DPP6: variants seen among roughly 807,000 people sequenced by gnomAD.
The protein encoded by DPP6 is A-type potassium channel modulatory protein DPP6.
DPP6 carries 69 observed loss-of-function variants against 122.6 expected under a neutral mutation model. The observed-to-expected ratio is 0.56, with a 90% CI of 0.46 to 0.69. The LOEUF is 0.69. Ranked by LOEUF, DPP6 falls within the 30% of genes least tolerant of loss-of-function variation. The pLI is 0.00. For missense variants in DPP6, 928 were observed against 1,116.9 expected, an observed-to-expected ratio of 0.83 and a Z score of 2.41; for synonymous variants, 418 against 433.1, an observed-to-expected ratio of 0.97 and a Z score of 0.43.
chr7:154,348,093 C>T (rs2151074025), intron 1 of DPP6, among the ~76,000 whole-genome samples: 1 of 152,256 alleles, frequency 6.6e-6, no homozygotes, highest in African/African-American at 2.4e-5. Flanking sequence ...CTCCCACCCC[C>T]ACCTCCTGAT....
chr7:154,496,984 T>TGTGTTGA (rs1044589194), intron 3 of DPP6, among the ~76,000 whole-genome samples: 2 of 152,178 alleles, frequency 1.3e-5, no homozygotes, highest in Non-Finnish European at 2.9e-5. Flanking sequence ...CATGCAGCAT[T>TGTGTTGA]GTGTTGAGGA....
At chr7:153,989,289 C>G (rs1176565243) in intron 1 of DPP6, among the ~76,000 whole-genome samples, 1 of 142,004 alleles carries the variant, frequency 7.0e-6, no homozygotes, top group African/African-American at 2.6e-5. Flanking sequence ...GTGTGCGTGA[C>G]TGTGCAAGTG....
chr7:154,748,522 GA>G (rs1843145324), intron 8 of DPP6, among the ~76,000 whole-genome samples: 1 of 152,214 alleles, frequency 6.6e-6, no homozygotes, highest in Non-Finnish European at 1.5e-5. Flanking sequence ...ACAACGCCAA[GA>G]GAATGGCTTA....
At chr7:153,769,125 A>G in the DPP6 span, among the ~76,000 whole-genome samples, 2,293 of 152,288 alleles carry the variant, frequency 0.015, 30 homozygotes, top group Non-Finnish European at 0.023. Flanking sequence ...TCTTGTACCC[A>G]TTGATCTCAA....
At chr7:154,410,944 C>G in intron 1 of DPP6, among the ~76,000 whole-genome samples, 1 of 152,170 alleles carries the variant, frequency 6.6e-6, no homozygotes, top group South Asian at 2.1e-4. Flanking sequence ...TTTTAGCTGA[C>G]TCTTAGAAAT....
intron 7 of DPP6, among the ~76,000 whole-genome samples, chr7:154,697,295 G>T (rs1312347926): frequency 6.6e-6 from 1 of 152,204 alleles, no homozygotes; most frequent in African/African-American, 2.4e-5. Context: ...AGGCCGCCAT[G>T]ACCGGAACCC....
chr7:153,916,134 TG>T (rs1342410340), intron 1 of DPP6, among the ~76,000 whole-genome samples: 3 of 150,854 alleles, frequency 2.0e-5, no homozygotes, highest in Non-Finnish European at 4.4e-5. Flanking sequence ...GCCTGGCTAA[TG>T]TTTTTTTTTT....
the DPP6 span, among the ~76,000 whole-genome samples, chr7:153,824,384 C>A: frequency 2.5e-5 from 1 of 40,412 alleles, no homozygotes. Context: ...GAGAGTCTGT[C>A]TCAAAAAAAA....
intron 1 of DPP6, among the ~76,000 whole-genome samples, chr7:154,263,327 A>G (rs1359022149): frequency 6.6e-6 from 1 of 152,182 alleles, no homozygotes; most frequent in Non-Finnish European, 1.5e-5. Context: ...CAAATTCTTC[A>G]CTTTTAAGAT....
chr7:154,352,748 T>C (rs1586028478), intron 1 of DPP6, among the ~76,000 whole-genome samples: 1 of 152,220 alleles, frequency 6.6e-6, no homozygotes, highest in African/African-American at 2.4e-5. Context: ...ACCTAGATGA[T>C]GGGTTGACAG....
chr7:154,532,929 TGAA>T (rs929023705), intron 3 of DPP6, among the ~76,000 whole-genome samples: 3 of 152,204 alleles, frequency 2.0e-5, no homozygotes, highest in African/African-American at 7.2e-5. Flanking sequence ...GACTTTCTTC[TGAA>T]GAAGGTTACA....
intron 1 of DPP6, among the ~76,000 whole-genome samples, chr7:154,424,715 T>C (rs1022699652): frequency 6.6e-6 from 1 of 152,244 alleles, no homozygotes; most frequent in African/African-American, 2.4e-5. Context: ...TGGGCGGCCT[T>C]GTTCATTACA....
Position 154,847,295 on chromosome 7 carries a change from A to G in DPP6, c.1667-6485A>G, listed in dbSNP as rs148980686. On this transcript the variant is annotated intron_variant, in intron 16 of 25. Coordinates refer to ENST00000377770, the MANE Select transcript of DPP6 (RefSeq NM_130797.4). ...TCATATCATACTATATATGGCATGT[A>G]TATTATTATGAATACATAGCCATGT... Among the ~76,000 whole-genome samples, 9 of 152,348 alleles carry G rather than the reference A, an allele frequency of 5.9e-5. No homozygotes were observed. In the East Asian group the frequency reaches 1.5e-3, roughly 26 times the overall value.
chr7:154,555,185 A>G (rs1488609628), intron 4 of DPP6, among the ~76,000 whole-genome samples: 4 of 152,212 alleles, frequency 2.6e-5, no homozygotes, highest in Non-Finnish European at 4.4e-5. Context: ...GAACTAGAAA[A>G]TAGAAGAAAA....
intron 12 of DPP6, chr7:154,796,139 T>G (rs1798041055): frequency 2.0e-6 from 1 of 497,814 alleles, no homozygotes; most frequent in Non-Finnish European, 3.4e-6. Context: ...GAATGTTTGG[T>G]GAGACCTCAG....
intron 17 of DPP6, among the ~76,000 whole-genome samples, chr7:154,867,537 C>A (rs1424036668): frequency 6.6e-6 from 1 of 152,166 alleles, no homozygotes; most frequent in Admixed American, 6.5e-5. Context: ...AGATCAGAAT[C>A]CATTTTATTT....
At chr7:154,861,822 T>A (rs974024663) in intron 17 of DPP6, among the ~76,000 whole-genome samples, 17 of 152,174 alleles carry the variant, frequency 1.1e-4, no homozygotes, top group African/African-American at 3.9e-4. Flanking sequence ...TCCTGGTTTT[T>A]CCCTCCTTTT....
At chr7:154,079,210 T>C (rs1345478821) in intron 1 of DPP6, among the ~76,000 whole-genome samples, 1 of 152,198 alleles carries the variant, frequency 6.6e-6, no homozygotes, top group Non-Finnish European at 1.5e-5. Context: ...CGAAAGTGCC[T>C]GGTCGTCTTT....
chr7:154,456,280 T>G (rs1321035633), intron 2 of DPP6, among the ~76,000 whole-genome samples: 1 of 152,202 alleles, frequency 6.6e-6, no homozygotes, highest in Non-Finnish European at 1.5e-5. Flanking sequence ...CCATGCACTT[T>G]CTCAGATTGC....
Sources: gnomAD v4.1 joint callset for allele counts (sites outside exome capture counted in the v4.1 genomes callset) on GRCh38, gnomAD v4.1.1 for gene constraint, MANE v1.5 for transcripts, NCBI Gene and HGNC (gene_info 2026-07-23, HGNC 2026-07-21) for gene names.